PHKG1: variants seen among roughly 807,000 people sequenced by gnomAD.
PHKG1 encodes phosphorylase kinase catalytic subunit gamma 1, also known as phosphorylase b kinase gamma catalytic chain, skeletal muscle/heart isoform.
Under a neutral mutation model 50.5 loss-of-function variants are expected in PHKG1, and 48 were observed. The observed-to-expected ratio is 0.95, with a 90% CI of 0.75 to 1.21. The LOEUF is 1.21. Among genes scored for constraint, PHKG1 ranks in the 50% most tolerant of loss-of-function variants. The probability of loss-of-function intolerance (pLI) is 0.00; values close to 1 mark genes in which losing one functional copy is unlikely to be tolerated. For synonymous variants in PHKG1, 204 were observed against 212.8 expected, an observed-to-expected ratio of 0.96 and a Z score of 0.36; for missense variants, 487 against 519.5, an observed-to-expected ratio of 0.94 and a Z score of 0.61.
At chr7:56,086,878 T>C (rs920630637) in intron 4 of PHKG1, 92 bp downstream of exon 4, 17 of 936,798 alleles carry the variant, frequency 1.8e-5, no homozygotes, top group Non-Finnish European at 2.8e-5. Context: ...GCGCAGGAGC[T>C]GGCTGTGGTC....
At chr7:56,084,151 T>G (rs939392883) in intron 4 of PHKG1, 5 of 1,519,360 alleles carry the variant, frequency 3.3e-6, no homozygotes, top group Non-Finnish European at 4.4e-6. Flanking sequence ...AGCAGTACCT[T>G]GCCCTGCCCT....
intron 4 of PHKG1, among the ~76,000 whole-genome samples, chr7:56,085,158 G>A (rs1209357015): frequency 2.6e-5 from 4 of 151,636 alleles, no homozygotes; most frequent in African/African-American, 9.7e-5. Flanking sequence ...ATGGGGTTTT[G>A]CCATGTTGCC....
rs1377654847 is a variant in PHKG1 at position 56,083,720 on chromosome 7, G to A, written c.318-5C>T. ...AAGAGCTCCCCTCTCTTCATCCTGTGGAAACAGAGGGTTGATAGCTGGATC... is the reference window on the plus strand; with the variant it reads ...AAGAGCTCCCCTCTCTTCATCCTGTAGAAACAGAGGGTTGATAGCTGGATC... On this transcript the variant is annotated splice_polypyrimidine_tract_variant and splice_region_variant and intron_variant, in intron 4 of 9. Transcript: ENST00000297373. 1.9e-6 allele frequency: 3 copies of A among 1,567,184 alleles called. No homozygotes were observed. The African/African-American group carries it at 4.1e-5, about 21-fold the overall frequency.
chr7:56,082,248 A>G lies in PHKG1; in HGVS notation c.553T>C (p.Cys185Arg), dbSNP rs1049205825. ...GGGGCCAGGTAACTGGGGGTCCCGC[A>G]GACCTCTGCAGGAACAGTCATCATC... The part of the protein sequence containing the change: ...LEPGERLREV[C>R]GTPSYLAPEI... The change falls in exon 7 of 10, where the codon TGC becomes CGC. Residue 185 changes from cysteine (C) to arginine (R), a missense_variant. Cys to Arg is a radical substitution (Grantham distance 180, BLOSUM62 -3). Coordinates refer to ENST00000297373, the MANE Select transcript of PHKG1 (RefSeq NM_006213.5). 1.2e-5 allele frequency: 19 copies of G among 1,612,648 alleles called. No individual in the cohort carries two copies. The highest frequency in any genetic ancestry group is 1.4e-5 in the Non-Finnish European group (17 of 1,179,614).
Position 56,084,012 on chromosome 7 carries a change from T to C in PHKG1, c.318-297A>G. 3 of 620,808 alleles carry C rather than the reference T, an allele frequency of 4.8e-6. No homozygotes were observed. The South Asian group carries it at 5.8e-5, about 12-fold the overall frequency. The allele number at this position is 620,808 out of a possible 1,614,324, so 38.5% of individuals were successfully genotyped here. On this transcript the variant is annotated intron_variant, in intron 4 of 9. Transcript: ENST00000297373. ...TGAATTTTTCCCCTGGAAAAATTTT[T>C]CCCACCATTTCATGAGGTAGGCATT...
intron 6 of PHKG1, 79 bp downstream of exon 6, chr7:56,083,199 A>C: frequency 7.2e-5 from 94 of 1,306,044 alleles, no homozygotes; most frequent in Non-Finnish European, 9.1e-5. Context: ...TTAGGGGAGA[A>C]ACCCAGACCA....
intron 4 of PHKG1, among the ~76,000 whole-genome samples, chr7:56,084,804 G>C (rs557203573): frequency 1.2e-4 from 18 of 152,038 alleles, no homozygotes; most frequent in African/African-American, 4.1e-4. Flanking sequence ...GATCTAGAAA[G>C]GACTCTGCTA....
Position 56,081,348 on chromosome 7 carries a change from C to A in PHKG1, c.919-49G>T. 6.4e-7 allele frequency: 1 copy of A among 1,560,298 alleles called. No individual in the cohort carries two copies. Among genetic ancestry groups the A allele is most frequent in the Admixed American group, 1.9e-5 (1 of 53,284 alleles). On this transcript the variant is annotated intron_variant, in intron 9 of 9. Coordinates refer to ENST00000297373, the MANE Select transcript of PHKG1 (RefSeq NM_006213.5). The surrounding 1 kb of genome is among the most constrained non-coding windows in gnomAD (Gnocchi z 4.6). ...GGGCTGCAGCCCCCGCCCTGCCAGG[C>A]CCTGCCCCTCCAGCACAGGGACGCT...
At chr7:56,089,906 C>T (rs1255618314) in intron 1 of PHKG1, among the ~76,000 whole-genome samples, 2 of 152,156 alleles carry the variant, frequency 1.3e-5, no homozygotes, top group South Asian at 2.1e-4. Context: ...AGCAATCTTC[C>T]CGCCTCAGCC....
intron 4 of PHKG1, chr7:56,084,355 G>A: frequency 1.7e-6 from 1 of 585,282 alleles, no homozygotes; most frequent in South Asian, 2.1e-5. Flanking sequence ...AGATCAGAAG[G>A]ACGTGAGTAT....
At chr7:56,086,287 CTA>C (rs957881507) in intron 4 of PHKG1, among the ~76,000 whole-genome samples, 12 of 152,020 alleles carry the variant, frequency 7.9e-5, no homozygotes, top group Non-Finnish European at 1.8e-4. Context: ...CCTATACTTA[CTA>C]TGTTTTTCCT....
chr7:56,086,872 A>G, intron 4 of PHKG1, 98 bp downstream of exon 4: 1 of 901,794 alleles, frequency 1.1e-6, no homozygotes, highest in Non-Finnish European at 1.9e-6. Context: ...TCCTCAGCGC[A>G]GGAGCTGGCT....
At position 56,080,825 on chromosome 7, in the gene PHKG1, C is replaced by T; in HGVS notation, c.*229G>A. 2 of 577,986 alleles carry T rather than the reference C, an allele frequency of 3.5e-6. No homozygotes were observed. The highest frequency in any genetic ancestry group is 2.1e-5 in the South Asian group (1 of 48,412). The allele number at this position is 577,986 out of a possible 1,614,324, so 35.8% of individuals were successfully genotyped here. ...CTGGTTCTCAGGCCACGTGTGATCT[C>T]TGCCCACCCAGGGCCTGCCCCAGCC... On this transcript the variant is annotated 3_prime_UTR_variant, in exon 10 of 10. Transcript: ENST00000297373.
At position 56,082,591 on chromosome 7, in the gene PHKG1, C is replaced by CA. The variant is rs529327899; in HGVS notation, c.548-339dup. Among the ~76,000 whole-genome samples the CA allele has an allele frequency of 2.0e-3, 296 of 146,478 alleles. 1 individual carries two copies. Among genetic ancestry groups the CA allele is most frequent in the Admixed American group, 3.1e-3 (45 of 14,642 alleles). On this transcript the variant is annotated intron_variant, in intron 6 of 9. Coordinates refer to ENST00000297373, the MANE Select transcript of PHKG1 (RefSeq NM_006213.5). ...CTGGTGACAGAGTGAGACTCTGTTT[C>CA]AAAAAAAAAAGAGAGGAAGTCCAAA...
intron 6 of PHKG1, among the ~76,000 whole-genome samples, chr7:56,082,827 G>C (rs928324644): frequency 2.0e-5 from 3 of 152,206 alleles, no homozygotes; most frequent in South Asian, 4.1e-4. Context: ...GCCTAGCCCT[G>C]CTGGGCATGG....
At position 56,081,432 on chromosome 7, in the gene PHKG1, C is replaced by T. The variant is rs35046650; in HGVS notation, c.919-133G>A. 89,741 of 1,297,140 alleles carry T rather than the reference C, an allele frequency of 0.069. 4,171 individuals are homozygous for T. Among genetic ancestry groups the T allele is most frequent in the East Asian group, 0.25 (10,087 of 40,804 alleles). 80.4% of individuals were successfully genotyped at this position (1,297,140 alleles called of 1,614,324 possible). A position where few individuals can be genotyped will look rare whatever the true frequency, so the allele number is the denominator to read the frequency against. On this transcript the variant is annotated intron_variant, in intron 9 of 9. Coordinates refer to ENST00000297373, the MANE Select transcript of PHKG1 (RefSeq NM_006213.5). The surrounding 1 kb of genome is among the most constrained non-coding windows in gnomAD (Gnocchi z 4.6). ...TCTGCGGGGCCTTCCTAGTGTCCCC[C>T]ACTTCCCACTTGGCCAGCATCCTCA...
rs573601674 is a variant in PHKG1, at chr7:56,087,735, G to T, written c.125C>A (p.Thr42Lys). ...GACCTTCACGGCGTACTCCTGGCTC[G>T]TGGGCTTGTGGATGCATCGCCTGAC... ...SVVRRCIHKP[T>K]SQEYAVKVID... The change falls in exon 3 of 10, where the codon ACG becomes AAG. Residue 42 changes from threonine (T) to lysine (K), a missense_variant. By Grantham distance (78) the Thr-to-Lys change is moderately conservative. Coordinates refer to ENST00000297373, the MANE Select transcript of PHKG1 (RefSeq NM_006213.5). The T allele has an allele frequency of 6.2e-7, 1 of 1,613,380 alleles. No individual in the cohort carries two copies. The highest frequency in any genetic ancestry group is 8.5e-7 in the Non-Finnish European group (1 of 1,180,000).
chr7:56,086,905 G>T, intron 4 of PHKG1, 65 bp downstream of exon 4: 2 of 1,262,980 alleles, frequency 1.6e-6, no homozygotes, highest in African/African-American at 1.5e-5. Flanking sequence ...CAGCCCTGGG[G>T]TTGGGGAGGG....
At chr7:56,086,600 T>TGCCTCAGCCTCCTGCGTAGCTGGG (rs1796262230) in intron 4 of PHKG1, among the ~76,000 whole-genome samples, 1 of 152,162 alleles carries the variant, frequency 6.6e-6, no homozygotes, top group Non-Finnish European at 1.5e-5. Context: ...GCGATTCTCC[T>TGCCTCAGCCTCCTGCGTAGCTGGG]GCCTCAGCCT....
Sources: allele counts gnomAD v4.1 joint callset (sites outside exome capture counted in the v4.1 genomes callset), GRCh38; gene constraint gnomAD v4.1.1; non-coding constraint Gnocchi (gnomAD v3.1); transcripts MANE v1.5; gene names NCBI Gene and HGNC (gene_info 2026-07-23, HGNC 2026-07-21).